Variants in KIRREL3 observed in about 807,000 individuals in gnomAD.
KIRREL3 encodes kin of IRRE-like protein 3.
A neutral mutation model predicts 89.7 loss-of-function variants in KIRREL3; 36 were observed. The ratio of observed to expected loss-of-function variants is 0.40; its 90% CI spans 0.31 to 0.53. The LOEUF (loss-of-function observed/expected upper bound fraction) is 0.53, where lower values mean the gene tolerates loss of function less well. KIRREL3 is among the 20% of genes least tolerant of loss of function. The probability of loss-of-function intolerance (pLI) is 0.49; values close to 1 mark genes in which losing one functional copy is unlikely to be tolerated. For synonymous variants in KIRREL3, 445 were observed against 441.4 expected (o/e 1.01, Z -0.10); for missense variants, 864 against 1,056.6 (o/e 0.82, Z 2.53).
rs183493824 is a variant in KIRREL3, at chr11:126,596,652, T to C, written c.56-33740A>G. The stretch of plus-strand genomic sequence containing the variant: ...TCTGCTCCCTGACTTCTGGCAGGCA[T>C]GCGGGAGTGGGGAGGAGGTATCTCT... On this transcript the variant is annotated intron_variant, in intron 1 of 16. Coordinates refer to ENST00000525144, the MANE Select transcript of KIRREL3 (RefSeq NM_032531.4). Among the ~76,000 whole-genome samples, 234 of 152,374 alleles carry C rather than the reference T, an allele frequency of 1.5e-3. 1 individual carries two copies. The highest frequency in any genetic ancestry group is 5.2e-3 in the African/African-American group (217 of 41,584).
chr11:126,450,826 T>C (rs1482494037), intron 7 of KIRREL3, among the ~76,000 whole-genome samples: 1 of 149,310 alleles, frequency 6.7e-6, no homozygotes, highest in South Asian at 2.1e-4. Flanking sequence ...TGGGCATATG[T>C]GTGTATGCGT....
Position 126,424,563 on chromosome 11 carries a change from C to A in KIRREL3, c.*17G>T, listed in dbSNP as rs756303249. On this transcript the variant is annotated 3_prime_UTR_variant, in exon 17 of 17. Coordinates refer to ENST00000525144, the MANE Select transcript of KIRREL3 (RefSeq NM_032531.4). ...TGACCTCTTCCCTGGCCCGTCCCCA[C>A]CCGCGGTGTGTGATCCTTAGACGTG... 6.2e-7 allele frequency: 1 copy of A among 1,611,886 alleles called. No homozygotes were observed. The highest frequency in any genetic ancestry group is 1.7e-5 in the Admixed American group (1 of 59,992).
At position 126,664,799 on chromosome 11, in the gene KIRREL3, C is replaced by T. The variant is rs2135030515; in HGVS notation, c.56-101887G>A. ...TCCTTTCTAACCCTGGCTGCAGCCT[C>T]ATGGCACTACTTCCTCATCTATGAA... On this transcript the variant is annotated intron_variant, in intron 1 of 16. Coordinates refer to ENST00000525144, the MANE Select transcript of KIRREL3 (RefSeq NM_032531.4). The surrounding 1 kb of genome is among the most constrained non-coding windows in gnomAD (Gnocchi z 5.4). Among the ~76,000 whole-genome samples, 1 of 152,316 alleles carries T rather than the reference C, an allele frequency of 6.6e-6. No individual in the cohort carries two copies. Among genetic ancestry groups the T allele is most frequent in the South Asian group, 2.1e-4 (1 of 4,824 alleles).
In KIRREL3 at chr11:126,677,506, G is replaced by A. The variant is rs765808108; in HGVS notation, c.56-114594C>T. On this transcript the variant is annotated intron_variant, in intron 1 of 16. Coordinates refer to ENST00000525144, the MANE Select transcript of KIRREL3 (RefSeq NM_032531.4). This position sits in a 1 kb window ranked among gnomAD's most constrained non-coding sequence, Gnocchi z 5.1. ...CAGCCTTATCAACCCCATTTTAGTTGAGAGTGCTGAGGTTCGGAGGTGAAA... is the reference window on the plus strand; with the variant it reads ...CAGCCTTATCAACCCCATTTTAGTTAAGAGTGCTGAGGTTCGGAGGTGAAA... 1.1e-4 allele frequency among the ~76,000 whole-genome samples: 17 copies of A among 152,168 alleles called. No homozygotes were observed. The highest frequency in any genetic ancestry group is 2.2e-4 in the Non-Finnish European group (15 of 68,042).
chr11:126,552,550 G>GTTTTTTTTTTTTTTTTT (rs59392843), intron 2 of KIRREL3, among the ~76,000 whole-genome samples: 5 of 81,768 alleles, frequency 6.1e-5, no homozygotes, highest in African/African-American at 8.5e-5. Flanking sequence ...AGAGAGAAAA[G>GTTTTTTTTTTTTTTTTT]TTTTTTTTTT....
chr11:126,699,136 C>T (rs1278168995), intron 1 of KIRREL3, among the ~76,000 whole-genome samples: 4 of 152,146 alleles, frequency 2.6e-5, no homozygotes, highest in African/African-American at 9.7e-5. Context: ...ATCTTGAAGG[C>T]TAGAGGTGTG....
intron 1 of KIRREL3, among the ~76,000 whole-genome samples, chr11:126,572,763 A>C (rs929200798): frequency 3.3e-5 from 5 of 152,156 alleles, no homozygotes; most frequent in African/African-American, 1.2e-4. Context: ...TGCAGGCAGC[A>C]GGGGCGGGGC....
chr11:126,950,659 C>G (rs914867210), intron 1 of KIRREL3, among the ~76,000 whole-genome samples: 3 of 152,214 alleles, frequency 2.0e-5, no homozygotes, highest in Admixed American at 6.5e-5. Context: ...AATGTGGATG[C>G]CTTCACCAAC....
In KIRREL3 at chr11:126,924,464, C is replaced by T. The variant is rs369829231; in HGVS notation, c.55+75991G>A. Among the ~76,000 whole-genome samples, 5 of 152,142 alleles carry T rather than the reference C, an allele frequency of 3.3e-5. No homozygotes were observed. The highest frequency in any genetic ancestry group is 2.1e-4 in the South Asian group (1 of 4,818). On this transcript the variant is annotated intron_variant, in intron 1 of 16. Transcript: ENST00000525144. The surrounding 1 kb of genome is among the most constrained non-coding windows in gnomAD (Gnocchi z 4.7). The stretch of plus-strand genomic sequence containing the variant: ...AAAATAAAGAGGATTTCCAGGCACA[C>T]GGGAAGTCTAACACCCATTAATCCT...
Position 126,766,831 on chromosome 11 carries a change from T to G in KIRREL3, c.56-203919A>C, listed in dbSNP as rs1949839111. On this transcript the variant is annotated intron_variant, in intron 1 of 16. Transcript: ENST00000525144. This position sits in a 1 kb window ranked among gnomAD's most constrained non-coding sequence, Gnocchi z 4.2. ...AAGTGATTTGCTTACAGTAATTAGT[T>G]CCTAGGGCTCCCTTGTGGAGGTAAG... is the stretch of plus-strand genomic sequence containing the variant. Among the ~76,000 whole-genome samples the G allele has an allele frequency of 6.6e-6, 1 of 152,214 alleles. No individual in the cohort carries two copies. Among genetic ancestry groups the G allele is most frequent in the Admixed American group, 6.5e-5 (1 of 15,288 alleles).
rs144626983 is a variant in KIRREL3, at chr11:126,995,183, C to A, written c.55+5272G>T. On this transcript the variant is annotated intron_variant, in intron 1 of 16. Transcript: ENST00000525144. The surrounding 1 kb of genome is among the most constrained non-coding windows in gnomAD (Gnocchi z 6.5). ...ATGAAATCCAAGGGAACTGTTAGCC[C>A]CCCAGAGCAGCTGCTCCCACCGACC... 2,522 of 455,928 alleles carry A rather than the reference C, an allele frequency of 5.5e-3. 11 individuals are homozygous for A. The highest frequency in any genetic ancestry group is 0.015 in the Middle Eastern group (46 of 3,054). The allele number at this position is 455,928 out of a possible 1,614,324, so 28.2% of individuals were successfully genotyped here. A position where few individuals can be genotyped will look rare whatever the true frequency, so the allele number is the denominator to read the frequency against.
chr11:126,437,358 T>C (rs977394536), intron 11 of KIRREL3, among the ~76,000 whole-genome samples: 1 of 150,980 alleles, frequency 6.6e-6, no homozygotes, highest in Non-Finnish European at 1.5e-5. Context: ...ACCACAAATG[T>C]GTACACACAG....
Position 126,562,868 on chromosome 11 carries a change from T to A in KIRREL3, c.100A>T (p.Met34Leu). ...KRGCCLVLGY[M>L]AKDKFRRMNE... ...ATTCTCCGAAACTTGTCCTTGGCCA[T>A]GTAGCCCAGCACCAGACAGCATCCT... Residue 34 changes from methionine to leucine, a missense_variant, in exon 2 of 17, where the codon ATG becomes TTG. Transcript: ENST00000525144. The surrounding 1 kb of genome is among the most constrained non-coding windows in gnomAD (Gnocchi z 4.7). 6.2e-7 allele frequency: 1 copy of A among 1,613,788 alleles called. No homozygotes were observed. The highest frequency in any genetic ancestry group is 8.5e-7 in the Non-Finnish European group (1 of 1,179,812).
chr11:126,580,111 C>T (rs1261043054), intron 1 of KIRREL3, among the ~76,000 whole-genome samples: 2 of 152,220 alleles, frequency 1.3e-5, no homozygotes, highest in African/African-American at 2.4e-5. Flanking sequence ...TCCCAAAGTG[C>T]TGGGATTACA....
Position 126,655,939 on chromosome 11 carries a change from T to G in KIRREL3, c.56-93027A>C, listed in dbSNP as rs1270365134. The G allele has an allele frequency of 8.1e-6, 2 of 247,656 alleles. No individual in the cohort carries two copies. Among genetic ancestry groups the G allele is most frequent in the African/African-American group, 4.6e-5 (2 of 43,164 alleles). The allele number at this position is 247,656 out of a possible 1,614,324, so 15.3% of individuals were successfully genotyped here. On this transcript the variant is annotated intron_variant, in intron 1 of 16. Coordinates refer to ENST00000525144, the MANE Select transcript of KIRREL3 (RefSeq NM_032531.4). The surrounding 1 kb of genome is among the most constrained non-coding windows in gnomAD (Gnocchi z 5.0). ...TGCACTGACTAAGATATCACGATGA[T>G]GAAACACTGTTGAATCTAAAAGGTG...
In KIRREL3 at chr11:126,779,622, A is replaced by AACAC. The variant is rs1950267135; in HGVS notation, c.56-216711_56-216710insGTGT. Among the ~76,000 whole-genome samples, 7 of 152,208 alleles carry AACAC rather than the reference A, an allele frequency of 4.6e-5. No homozygotes were observed. In the South Asian group the frequency reaches 1.4e-3, roughly 32 times the overall value. Reference sequence around the variant, plus strand: ...TCAGGACATTTTAAAATTTATGTCCATAGTCTCAACACCTGGCGTCAATCT... The same window carrying AACAC: ...TCAGGACATTTTAAAATTTATGTCCAACACTAGTCTCAACACCTGGCGTCAATCT... On this transcript the variant is annotated intron_variant, in intron 1 of 16. Transcript: ENST00000525144.
intron 1 of KIRREL3, among the ~76,000 whole-genome samples, chr11:126,865,572 C>T (rs1944891707): frequency 6.6e-6 from 1 of 152,240 alleles, no homozygotes; most frequent in African/African-American, 2.4e-5. Context: ...TGGAGGTCTG[C>T]ACACCTTGTT....
In KIRREL3 at chr11:126,555,095, T is replaced by C. The variant is rs1479823638; in HGVS notation, c.133+7740A>G. 2.0e-5 allele frequency among the ~76,000 whole-genome samples: 3 copies of C among 152,212 alleles called. No homozygotes were observed. The highest frequency in any genetic ancestry group is 1.3e-4 in the Admixed American group (2 of 15,284). ...CTTCAATCTGTTCATGTGACCTGAT[T>C]CTTCCTGACACTGGACAAGAAGCTG... On this transcript the variant is annotated intron_variant, in intron 2 of 16. Transcript: ENST00000525144. This position sits in a 1 kb window ranked among gnomAD's most constrained non-coding sequence, Gnocchi z 4.2.
At position 126,981,205 on chromosome 11, in the gene KIRREL3, C is replaced by T; in HGVS notation, c.55+19250G>A. On this transcript the variant is annotated intron_variant, in intron 1 of 16. Transcript: ENST00000525144. This position sits in a 1 kb window ranked among gnomAD's most constrained non-coding sequence, Gnocchi z 4.2. ...TTTAGACAAAAGAAGGAAAGCATGG[C>T]CCGTTGGACCACAGCAAGACCTTCT... Among the ~76,000 whole-genome samples, 1 of 152,164 alleles carries T rather than the reference C, an allele frequency of 6.6e-6. No homozygotes were observed. The highest frequency in any genetic ancestry group is 1.5e-5 in the Non-Finnish European group (1 of 68,028).
Sources: gnomAD v4.1 joint callset for allele counts (sites outside exome capture counted in the v4.1 genomes callset) on GRCh38, gnomAD v4.1.1 for gene constraint, Gnocchi (gnomAD v3.1) non-coding constraint, MANE v1.5 for transcripts, NCBI Gene and HGNC (gene_info 2026-07-23, HGNC 2026-07-21) for gene names.